DSCAM: variants seen among roughly 807,000 people sequenced by gnomAD.
The protein encoded by DSCAM is cell adhesion molecule DSCAM.
In DSCAM, 47 loss-of-function variants were observed where a neutral mutation model predicts 217.7. That is an observed-to-expected ratio of 0.22 (90% CI 0.17 to 0.28). The LOEUF (loss-of-function observed/expected upper bound fraction) is 0.28. DSCAM is among the 10% of genes least tolerant of loss of function. The probability of loss-of-function intolerance (pLI) is 1.00; values close to 1 mark genes in which losing one functional copy is unlikely to be tolerated. For synonymous variants in DSCAM, 1,056 were observed against 1,015.3 expected, an observed-to-expected ratio of 1.04 and a Z score of -0.76; for missense variants, 2,080 against 2,618.3, an observed-to-expected ratio of 0.79 and a Z score of 4.49.
At chr21:40,810,972 G>T (rs763875166) in intron 1 of DSCAM, among the ~76,000 whole-genome samples, 2 of 152,144 alleles carry the variant, frequency 1.3e-5, no homozygotes, top group Non-Finnish European at 2.9e-5. Flanking sequence ...GCAATGAGAG[G>T]CTACACCATG....
intron 32 of DSCAM, among the ~76,000 whole-genome samples, chr21:40,039,638 T>C (rs975329945): frequency 2.0e-5 from 3 of 152,198 alleles, no homozygotes. Flanking sequence ...TTAAAAATAA[T>C]TCTTGCATGA....
At chr21:40,255,384 G>A (rs906403967) in intron 11 of DSCAM, among the ~76,000 whole-genome samples, 2 of 152,190 alleles carry the variant, frequency 1.3e-5, no homozygotes, top group Non-Finnish European at 2.9e-5. Context: ...AAGACTTAAA[G>A]GCGAGGACAT....
At chr21:40,367,280 G>A (rs1282368471) in intron 4 of DSCAM, among the ~76,000 whole-genome samples, 1 of 152,150 alleles carries the variant, frequency 6.6e-6, no homozygotes, top group African/African-American at 2.4e-5. Context: ...CCAACAGGCT[G>A]ACCCCTTCTA....
chr21:40,143,388 C>A (rs1490389107), intron 17 of DSCAM, among the ~76,000 whole-genome samples: 5 of 152,154 alleles, frequency 3.3e-5, no homozygotes, highest in Non-Finnish European at 5.9e-5. Flanking sequence ...ACGACTATTG[C>A]AATTATGAAG....
At position 40,037,015 on chromosome 21, in the gene DSCAM, T is replaced by C. The variant is rs199816401; in HGVS notation, c.5686+5356A>G. 6.3e-4 allele frequency among the ~76,000 whole-genome samples: 95 copies of C among 149,866 alleles called. 1 individual carries two copies. Among genetic ancestry groups the C allele is most frequent in the Middle Eastern group, 3.4e-3 (1 of 292 alleles). ...TAAATTAGGTATTGATGGGACGTATTTCAAAATAATAAGAGCTATCTATGA... is the reference window on the plus strand; with the variant it reads ...TAAATTAGGTATTGATGGGACGTATCTCAAAATAATAAGAGCTATCTATGA... On this transcript the variant is annotated intron_variant, in intron 32 of 32. Coordinates refer to ENST00000400454, the MANE Select transcript of DSCAM (RefSeq NM_001389.5).
intron 3 of DSCAM, among the ~76,000 whole-genome samples, chr21:40,688,975 G>A (rs1435272302): frequency 2.0e-5 from 3 of 152,068 alleles, no homozygotes; most frequent in Non-Finnish European, 2.9e-5. Flanking sequence ...CAGGCCAACC[G>A]AAGCCTGTCC....
intron 3 of DSCAM, among the ~76,000 whole-genome samples, chr21:40,638,096 G>C (rs1174116817): frequency 2.0e-5 from 3 of 152,068 alleles, no homozygotes; most frequent in Non-Finnish European, 4.4e-5. Flanking sequence ...GTCTTTCTTA[G>C]GTGAATCTCA....
intron 3 of DSCAM, among the ~76,000 whole-genome samples, chr21:40,629,075 TG>T (rs1401555259): frequency 8.3e-5 from 8 of 96,814 alleles, no homozygotes; most frequent in Admixed American, 2.4e-4. Context: ...TGTGTGTGTG[TG>T]GTGTGTGTGT....
chr21:40,569,819 G>A (rs1041929709), intron 3 of DSCAM, among the ~76,000 whole-genome samples: 1 of 151,964 alleles, frequency 6.6e-6, no homozygotes, highest in African/African-American at 2.4e-5. Context: ...CTTATTTTTT[G>A]TGTGTTCACA....
intron 8 of DSCAM, among the ~76,000 whole-genome samples, chr21:40,314,036 A>G (rs1278160309): frequency 2.6e-5 from 4 of 152,186 alleles, no homozygotes; most frequent in African/African-American, 7.2e-5. Context: ...TCATTCAATC[A>G]AGTCATGTTT....
chr21:40,019,450 GA>G (rs2088222722), intron 32 of DSCAM, among the ~76,000 whole-genome samples: 1 of 152,224 alleles, frequency 6.6e-6, no homozygotes, highest in African/African-American at 2.4e-5. Flanking sequence ...ATCTAGCATA[GA>G]GGGCTGTGGT....
intron 27 of DSCAM, among the ~76,000 whole-genome samples, chr21:40,069,265 A>T (rs878993743): frequency 6.6e-6 from 1 of 152,172 alleles, no homozygotes; most frequent in Admixed American, 6.5e-5. Context: ...GGATTAGTAC[A>T]TGGTTAGATC....
intron 1 of DSCAM, among the ~76,000 whole-genome samples, chr21:40,780,820 T>C (rs942707864): frequency 6.6e-6 from 1 of 152,018 alleles, no homozygotes; most frequent in African/African-American, 2.4e-5. Context: ...AAATTTCTGT[T>C]GTTGAAGCCA....
intron 27 of DSCAM, among the ~76,000 whole-genome samples, chr21:40,067,436 T>C (rs1376318534): frequency 3.9e-5 from 6 of 152,314 alleles, no homozygotes; most frequent in African/African-American, 1.2e-4. Context: ...TTCAGAATCA[T>C]GGGACTGGAA....
chr21:40,368,283 A>G (rs572265574), intron 4 of DSCAM, among the ~76,000 whole-genome samples: 146 of 152,332 alleles, frequency 9.6e-4, no homozygotes, highest in African/African-American at 3.4e-3. Flanking sequence ...CTCTCCTTAA[A>G]GCTATCATGG....
intron 27 of DSCAM, among the ~76,000 whole-genome samples, chr21:40,069,735 C>A (rs2089263415): frequency 6.6e-6 from 1 of 152,266 alleles, no homozygotes; most frequent in South Asian, 2.1e-4. Flanking sequence ...ACAGTCCCTG[C>A]CTTTCTGTGG....
chr21:40,504,240 A>AGGATTTGT (rs2076193069), intron 3 of DSCAM, among the ~76,000 whole-genome samples: 1 of 152,148 alleles, frequency 6.6e-6, no homozygotes, highest in Non-Finnish European at 1.5e-5. Context: ...GAGGAGGAAG[A>AGGATTTGT]GGATTTGTTT....
chr21:40,156,149 G>A (rs1254445908), intron 16 of DSCAM, among the ~76,000 whole-genome samples: 1 of 151,914 alleles, frequency 6.6e-6, no homozygotes, highest in Non-Finnish European at 1.5e-5. Context: ...TAAGTATGGA[G>A]ACAAACTGAG....
At chr21:40,119,435 T>C (rs1226906296) in intron 20 of DSCAM, among the ~76,000 whole-genome samples, 1 of 152,152 alleles carries the variant, frequency 6.6e-6, no homozygotes, top group East Asian at 1.9e-4. Flanking sequence ...GAGGTCTTCC[T>C]GAGTACGCAG....
Sources: gnomAD v4.1 joint callset for allele counts (sites outside exome capture counted in the v4.1 genomes callset) on GRCh38, gnomAD v4.1.1 for gene constraint, MANE v1.5 for transcripts, NCBI Gene and HGNC (gene_info 2026-07-23, HGNC 2026-07-21) for gene names.